HCRTR2: variants seen among roughly 807,000 people sequenced by gnomAD.
HCRTR2 encodes the protein hypocretin receptor 2.
A neutral mutation model predicts 49.0 loss-of-function variants in HCRTR2; 22 were observed. The ratio of observed to expected loss-of-function variants is 0.45; its 90% CI spans 0.32 to 0.64. The LOEUF (loss-of-function observed/expected upper bound fraction) is 0.64. Among genes scored for constraint, HCRTR2 ranks in the 30% least tolerant of loss-of-function variants. The probability of loss-of-function intolerance (pLI) is 0.04; values close to 1 mark genes in which losing one functional copy is unlikely to be tolerated. For missense variants in HCRTR2, 491 were observed against 559.4 expected, an observed-to-expected ratio of 0.88 and a Z score of 1.23; for synonymous variants, 236 against 205.3, an observed-to-expected ratio of 1.15 and a Z score of -1.28.
intron 1 of HCRTR2, among the ~76,000 whole-genome samples, chr6:55,243,720 A>G (rs1766377884): frequency 1.3e-5 from 2 of 152,116 alleles, no homozygotes; most frequent in East Asian, 1.9e-4. Flanking sequence ...TTAGCAAAGT[A>G]AGGGAAAGAG....
intron 1 of HCRTR2, among the ~76,000 whole-genome samples, chr6:55,212,161 A>G (rs1412517273): frequency 2.0e-5 from 3 of 152,238 alleles, no homozygotes; most frequent in East Asian, 1.9e-4. Flanking sequence ...TGAAAGATGA[A>G]TAAGAGGTAT....
intron 2 of HCRTR2, among the ~76,000 whole-genome samples, chr6:55,252,920 T>C (rs1041430303): frequency 1.3e-5 from 2 of 152,066 alleles, no homozygotes; most frequent in Non-Finnish European, 2.9e-5. Flanking sequence ...ACAGCACTTA[T>C]ATGCCAGCCC....
intron 1 of HCRTR2, among the ~76,000 whole-genome samples, chr6:55,224,659 T>C (rs778544803): frequency 6.6e-6 from 1 of 151,274 alleles, no homozygotes; most frequent in Non-Finnish European, 1.5e-5. Context: ...ACGTGGTATA[T>C]ATACACAATG....
At chr6:55,214,710 A>T (rs1184400424) in intron 1 of HCRTR2, among the ~76,000 whole-genome samples, 1 of 151,996 alleles carries the variant, frequency 6.6e-6, no homozygotes, top group East Asian at 1.9e-4. Flanking sequence ...GAGCTTAGAA[A>T]ACCAATTAAT....
Position 55,108,576 on chromosome 6 carries a change from C to T in HCRTR2, c.-378+2031C>T, listed in dbSNP as rs552298584. 7.9e-5 allele frequency among the ~76,000 whole-genome samples: 12 copies of T among 151,468 alleles called. No homozygotes were observed. In the South Asian group the frequency reaches 2.3e-3, roughly 29 times the overall value. On this transcript the variant is annotated intron_variant, in intron 1 of 7. Transcript: ENST00000615358. ...ATGAGAGAGAAGGATTTAACCTTAC[C>T]TAGAGCTGAAATGAATTTAGAGAGC...
intron 1 of HCRTR2, among the ~76,000 whole-genome samples, chr6:55,112,531 C>G (rs1343617940): frequency 1.3e-5 from 2 of 149,026 alleles, no homozygotes; most frequent in Non-Finnish European, 3.0e-5. Flanking sequence ...AGAATTCAAC[C>G]CCTTTTACAA....
intron 1 of HCRTR2, among the ~76,000 whole-genome samples, chr6:55,148,874 T>C (rs527862677): frequency 2.0e-4 from 31 of 152,284 alleles, no homozygotes; most frequent in African/African-American, 7.0e-4. Flanking sequence ...TATAACTGCA[T>C]TGCAGTGTAA....
At chr6:55,253,390 A>G (rs1160924120) in intron 2 of HCRTR2, among the ~76,000 whole-genome samples, 1 of 152,116 alleles carries the variant, frequency 6.6e-6, no homozygotes, top group Non-Finnish European at 1.5e-5. Context: ...TGTACCTATA[A>G]TCAACATATC....
intron 4 of HCRTR2, among the ~76,000 whole-genome samples, chr6:55,271,302 T>G (rs1230712913): frequency 6.6e-6 from 1 of 152,108 alleles, no homozygotes. Flanking sequence ...AAAATCATAG[T>G]CCTGACAACA....
intron 3 of HCRTR2, among the ~76,000 whole-genome samples, chr6:55,259,118 T>A (rs1766707184): frequency 1.3e-5 from 2 of 152,110 alleles, no homozygotes; most frequent in African/African-American, 4.8e-5. Context: ...TATTCATTCA[T>A]CCAGTGTTTA....
chr6:55,137,676 C>T (rs1217138836), intron 1 of HCRTR2, among the ~76,000 whole-genome samples: 1 of 152,092 alleles, frequency 6.6e-6, no homozygotes, highest in Admixed American at 6.6e-5. Context: ...ATCTGTAGGT[C>T]AAATGTCCTT....
intron 1 of HCRTR2, among the ~76,000 whole-genome samples, chr6:55,167,624 T>G (rs903266881): frequency 4.6e-5 from 7 of 152,174 alleles, no homozygotes; most frequent in African/African-American, 9.7e-5. Flanking sequence ...AAAACTCTCA[T>G]GTGCCCCTGG....
chr6:55,168,285 G>A (rs531043430), intron 1 of HCRTR2, among the ~76,000 whole-genome samples: 2 of 152,184 alleles, frequency 1.3e-5, no homozygotes, highest in South Asian at 4.2e-4. Flanking sequence ...TTTCAGTACT[G>A]TTTAAAATAC....
intron 3 of HCRTR2, among the ~76,000 whole-genome samples, chr6:55,261,312 C>T (rs1166699068): frequency 6.6e-6 from 1 of 151,946 alleles, no homozygotes; most frequent in Admixed American, 6.6e-5. Context: ...AGAAGGTATA[C>T]AAATAGCCAA....
At chr6:55,127,549 T>C (rs188751869) in intron 1 of HCRTR2, among the ~76,000 whole-genome samples, 81 of 152,284 alleles carry the variant, frequency 5.3e-4, no homozygotes, top group Admixed American at 1.1e-3. Flanking sequence ...AAGCCTCTCC[T>C]GCAGTATTTT....
intron 1 of HCRTR2, among the ~76,000 whole-genome samples, chr6:55,161,098 G>C (rs1397385100): frequency 6.6e-6 from 1 of 152,060 alleles, no homozygotes; most frequent in Non-Finnish European, 1.5e-5. Flanking sequence ...AGACTCCTCA[G>C]CAAATGCCAA....
chr6:55,169,058 T>TC (rs113701954), intron 1 of HCRTR2, among the ~76,000 whole-genome samples: 4 of 151,678 alleles, frequency 2.6e-5, no homozygotes, highest in African/African-American at 9.7e-5. Context: ...AAAATAGATG[T>TC]CTCTTCTGCT....
In HCRTR2 at chr6:55,174,653, T is replaced by C; in HGVS notation, c.66T>C (p.Asn22=). The C allele has an allele frequency of 1.9e-6, 3 of 1,614,064 alleles. No individual in the cohort carries two copies. Among genetic ancestry groups the C allele is most frequent in the Non-Finnish European group, 2.5e-6 (3 of 1,180,000 alleles). Residue 22 remains asparagine, a synonymous_variant, in exon 1 of 7, where the codon AAT becomes AAC. Coordinates refer to ENST00000370862, the MANE Select transcript of HCRTR2 (RefSeq NM_001384272.1). ...ACTGGTCATCTGCTTCGGAGCTGAA[T>C]GAAACTCAAGAGCCCTTTTTAAACC... ...CRNWSSASEL[N]ETQEPFLNPT...
At chr6:55,135,953 G>T (rs1764428052) in intron 1 of HCRTR2, among the ~76,000 whole-genome samples, 1 of 151,974 alleles carries the variant, frequency 6.6e-6, no homozygotes, top group Non-Finnish European at 1.5e-5. Flanking sequence ...CACAAGACAT[G>T]GTCAATTTTC....
Sources: gnomAD v4.1 joint callset for allele counts (sites outside exome capture counted in the v4.1 genomes callset) on GRCh38, gnomAD v4.1.1 for gene constraint, MANE v1.5 for transcripts, NCBI Gene and HGNC (gene_info 2026-07-23, HGNC 2026-07-21) for gene names.